TRIP12: variants seen among roughly 807,000 people sequenced by gnomAD.
TRIP12 encodes the protein E3 ubiquitin-protein ligase TRIP12.
A neutral mutation model predicts 244.2 loss-of-function variants in TRIP12; 25 were observed. The ratio of observed to expected loss-of-function variants is 0.10; its 90% CI spans 0.07 to 0.14. The LOEUF is 0.14. Ranked by LOEUF, TRIP12 falls within the 10% of genes least tolerant of loss-of-function variation. The pLI is 1.00. For synonymous variants in TRIP12, 905 were observed against 873.1 expected, an observed-to-expected ratio of 1.04 and a Z score of -0.64; for missense variants, 1,677 against 2,486.4, an observed-to-expected ratio of 0.67 and a Z score of 6.92.
chr2:229,805,225 C>CAACAACAACAACAACAACAACAACAACA (rs1198718222), intron 18 of TRIP12, among the ~76,000 whole-genome samples: 1 of 149,922 alleles, frequency 6.7e-6, no homozygotes, highest in Non-Finnish European at 1.5e-5. Flanking sequence ...CTTTTCAAAA[C>CAACAACAACAACAACAACAACAACAACA]AACAACAACA....
chr2:229,841,515 T>A (rs990992327), intron 4 of TRIP12, among the ~76,000 whole-genome samples: 2 of 152,190 alleles, frequency 1.3e-5, no homozygotes, highest in Admixed American at 6.5e-5. Flanking sequence ...CTAATGCCTT[T>A]ACAGGTCAAT....
At chr2:229,853,457 C>T (rs2059083241) in intron 4 of TRIP12, among the ~76,000 whole-genome samples, 1 of 152,042 alleles carries the variant, frequency 6.6e-6, no homozygotes, top group African/African-American at 2.4e-5. Flanking sequence ...GTCAGGAGTT[C>T]GAGACCAGCC....
At position 229,791,927 on chromosome 2, in the gene TRIP12, T is replaced by C; in HGVS notation, c.4354A>G (p.Thr1452Ala). The change falls in exon 29 of 42, where the codon ACA becomes GCA. Residue 1452 changes from threonine to alanine, a missense_variant. Coordinates refer to ENST00000675903, the MANE Select transcript of TRIP12 (RefSeq NM_001348323.3). ...CCTAGAGGATTGCTCTCATCATCTG[T>C]GGATTCTCTTTCATCTTCAGCCTGT... ...SIQAEDERES[T>A]DDESNPLGRA... is the part of the protein sequence containing the mutation. 1 of 1,614,168 alleles carries C rather than the reference T, an allele frequency of 6.2e-7. No homozygotes were observed. The highest frequency in any genetic ancestry group is 8.5e-7 in the Non-Finnish European group (1 of 1,179,994).
At chr2:229,848,351 G>C (rs2058017250) in intron 4 of TRIP12, among the ~76,000 whole-genome samples, 1 of 110,232 alleles carries the variant, frequency 9.1e-6, no homozygotes, top group Admixed American at 1.4e-4. Flanking sequence ...ACAAATACTT[G>C]AGATTACACA....
Position 229,767,542 on chromosome 2 carries a change from T to G in TRIP12, c.*12A>C. 2 of 1,592,532 alleles carry G rather than the reference T, an allele frequency of 1.3e-6. No individual in the cohort carries two copies. The highest frequency in any genetic ancestry group is 1.7e-6 in the Non-Finnish European group (2 of 1,168,794). On this transcript the variant is annotated 3_prime_UTR_variant, in exon 42 of 42. Coordinates refer to ENST00000675903, the MANE Select transcript of TRIP12 (RefSeq NM_001348323.3). ...TTGCTGTAACAGGCAGACACTGCAT[T>G]TCTTGCTATGATCAGGAAAGATGGA...
chr2:229,911,143 A>G (rs543055054), intron 1 of TRIP12, among the ~76,000 whole-genome samples: 2 of 152,356 alleles, frequency 1.3e-5, no homozygotes, highest in South Asian at 4.1e-4. Context: ...TACAGCAGTA[A>G]AACAGATAGA....
At chr2:229,827,552 T>C (rs2052051777) in intron 8 of TRIP12, among the ~76,000 whole-genome samples, 1 of 152,142 alleles carries the variant, frequency 6.6e-6, no homozygotes, top group African/African-American at 2.4e-5. Flanking sequence ...CTGCACGGGA[T>C]GAAGATCATC....
chr2:229,916,331 T>C (rs569384759), intron 1 of TRIP12, among the ~76,000 whole-genome samples: 1 of 152,174 alleles, frequency 6.6e-6, no homozygotes, highest in South Asian at 2.1e-4. Flanking sequence ...AACAGTGCTA[T>C]TAAGGAAAAC....
Position 229,805,733 on chromosome 2 carries a change from T to A in TRIP12, c.2647A>T (p.Thr883Ser), listed in dbSNP as rs1236256927. The change falls in exon 18 of 42, where the codon ACT (threonine) becomes TCT (serine). Residue 883 changes from threonine (T) to serine (S), a missense_variant. Physicochemically the swap from Thr to Ser is moderately conservative, Grantham distance 58. Coordinates refer to ENST00000675903, the MANE Select transcript of TRIP12 (RefSeq NM_001348323.3). ...RKPNPLANSN[T>S]SGYSESKKDD... Reference sequence around the variant, plus strand: ...TTTTAACTCAGAATGTACTTACTAGTGTTACTATTGGCTAACGGGTTAGGT... The same window carrying A: ...TTTTAACTCAGAATGTACTTACTAGAGTTACTATTGGCTAACGGGTTAGGT... 1 of 1,592,084 alleles carries A rather than the reference T, an allele frequency of 6.3e-7. No homozygotes were observed. The highest frequency in any genetic ancestry group is 1.7e-5 in the Admixed American group (1 of 59,738).
intron 1 of TRIP12, among the ~76,000 whole-genome samples, chr2:229,917,986 T>C (rs1433297158): frequency 2.0e-5 from 3 of 152,106 alleles, no homozygotes; most frequent in African/African-American, 7.2e-5. Context: ...TTTATTAGTA[T>C]ACCTTCACAC....
At chr2:229,847,231 A>C (rs1047588203) in intron 4 of TRIP12, among the ~76,000 whole-genome samples, 2 of 152,242 alleles carry the variant, frequency 1.3e-5, no homozygotes, top group African/African-American at 4.8e-5. Flanking sequence ...TCTATTACAA[A>C]GTGTTTAGAC....
chr2:229,802,777 C>A (rs1049129790), intron 20 of TRIP12, among the ~76,000 whole-genome samples: 1 of 152,108 alleles, frequency 6.6e-6, no homozygotes, highest in Non-Finnish European at 1.5e-5. Context: ...CAATAATCAA[C>A]TACAGAAATA....
chr2:229,864,326 T>A (rs1235361083), intron 2 of TRIP12, among the ~76,000 whole-genome samples: 3 of 152,218 alleles, frequency 2.0e-5, no homozygotes, highest in Non-Finnish European at 4.4e-5. Flanking sequence ...CACTTGAGAC[T>A]TATTTTTGTA....
intron 2 of TRIP12, among the ~76,000 whole-genome samples, chr2:229,866,644 G>A (rs2061553318): frequency 6.6e-6 from 1 of 152,134 alleles, no homozygotes; most frequent in African/African-American, 2.4e-5. Context: ...TTCAAAAGAT[G>A]TTAGGTTTGC....
chr2:229,818,555 A>G (rs2049076685), intron 8 of TRIP12, 43 bp from the exon 9 acceptor site: 5 of 1,557,990 alleles, frequency 3.2e-6, no homozygotes, highest in Non-Finnish European at 4.4e-6. Flanking sequence ...CATTTAAGAA[A>G]ATTATTACTA....
chr2:229,880,177 T>C (rs1576558708), intron 1 of TRIP12, 49 bp from the exon 2 acceptor site: 3 of 1,177,546 alleles, frequency 2.5e-6, no homozygotes, highest in East Asian at 2.4e-5. Context: ...CAAAATACAA[T>C]ATGGAAAAGA....
At chr2:229,832,018 G>T (rs1424760021) in intron 6 of TRIP12, among the ~76,000 whole-genome samples, 2 of 151,902 alleles carry the variant, frequency 1.3e-5, no homozygotes, top group East Asian at 3.9e-4. Flanking sequence ...TGTTAAAGAG[G>T]CATGTGTGAA....
intron 18 of TRIP12, 67 bp from the exon 19 acceptor site, chr2:229,804,294 T>G: frequency 7.5e-7 from 1 of 1,327,916 alleles, no homozygotes; most frequent in Non-Finnish European, 1.0e-6. Context: ...CAATAAACAA[T>G]ATAAAATACT....
intron 1 of TRIP12, among the ~76,000 whole-genome samples, chr2:229,889,949 T>A (rs1439279889): frequency 1.3e-5 from 2 of 152,226 alleles, no homozygotes; most frequent in African/African-American, 2.4e-5. Context: ...AACAATTTTA[T>A]ATTTGGTAAA....
Sources: allele counts gnomAD v4.1 joint callset (sites outside exome capture counted in the v4.1 genomes callset), GRCh38; gene constraint gnomAD v4.1.1; transcripts MANE v1.5; gene names NCBI Gene and HGNC (gene_info 2026-07-23, HGNC 2026-07-21).